Variants in DLGAP2 observed in about 807,000 individuals in gnomAD.
DLGAP2 encodes DLG associated protein 2, also known as disks large-associated protein 2.
A neutral mutation model predicts 100.3 loss-of-function variants in DLGAP2; 26 were observed. That is an observed-to-expected ratio of 0.26 (90% CI 0.19 to 0.36). DLGAP2 has a LOEUF of 0.36. Ranked by LOEUF, DLGAP2 falls within the 10% of genes least tolerant of loss-of-function variation. The pLI, the probability that DLGAP2 is intolerant of heterozygous loss-of-function variation, is 1.00. For synonymous variants in DLGAP2, 886 were observed against 630.1 expected, an observed-to-expected ratio of 1.41 and a Z score of -6.08; for missense variants, 1,858 against 1,453.2, an observed-to-expected ratio of 1.28 and a Z score of -4.53.
At chr8:1,238,370 G>A (rs76151758) in intron 2 of DLGAP2, among the ~76,000 whole-genome samples, 6,109 of 8,262 alleles carry the variant, frequency 0.74, 2,646 homozygotes, top group Middle Eastern at 1. Flanking sequence ...GTTCTCTCAC[G>A]TGGCGCCGTG....
chr8:1,189,133 C>A (rs11785265), intron 2 of DLGAP2, among the ~76,000 whole-genome samples: 1 of 137,654 alleles, frequency 7.3e-6, no homozygotes, highest in Non-Finnish European at 1.5e-5. Context: ...CATGGCGGTT[C>A]CGCTGTTGGG....
chr8:1,700,420 CACGGG>C (rs1799534470), intron 14 of DLGAP2, among the ~76,000 whole-genome samples: 2 of 72,582 alleles, frequency 2.8e-5, no homozygotes, highest in African/African-American at 1.6e-4. Flanking sequence ...CAATGTGAAT[CACGGG>C]GCAGGTCCCA....
At chr8:934,979 C>G (rs1799037452) in intron 2 of DLGAP2, among the ~76,000 whole-genome samples, 1 of 152,180 alleles carries the variant, frequency 6.6e-6, no homozygotes, top group South Asian at 2.1e-4. Context: ...TTTCCAAACC[C>G]TCTGAGTGTG....
intron 13 of DLGAP2, among the ~76,000 whole-genome samples, chr8:1,692,651 C>G (rs1302302689): frequency 1.3e-5 from 2 of 152,072 alleles, no homozygotes; most frequent in South Asian, 2.1e-4. Context: ...AGAAAATGAT[C>G]TAAGGTGCCT....
intron 1 of DLGAP2, among the ~76,000 whole-genome samples, chr8:820,955 A>G (rs565388050): frequency 1.3e-5 from 2 of 152,326 alleles, no homozygotes; most frequent in Middle Eastern, 3.4e-3. Context: ...TGTGAATTCT[A>G]GAACGGTGGA....
intron 13 of DLGAP2, among the ~76,000 whole-genome samples, chr8:1,695,532 G>A (rs561718095): frequency 1.3e-3 from 177 of 140,904 alleles, no homozygotes; most frequent in African/African-American, 4.3e-3. Flanking sequence ...AGCCATGCCC[G>A]GCCCTACAGA....
intron 4 of DLGAP2, among the ~76,000 whole-genome samples, chr8:1,520,308 C>T (rs530671311): frequency 3.7e-4 from 57 of 152,220 alleles, no homozygotes; most frequent in African/African-American, 1.3e-3. Context: ...GCGATGCAAT[C>T]GGGGAACCCA....
intron 6 of DLGAP2, among the ~76,000 whole-genome samples, chr8:1,592,890 T>G (rs1796333584): frequency 6.6e-6 from 1 of 152,214 alleles, no homozygotes; most frequent in Admixed American, 6.5e-5. Context: ...ACTAGCATTT[T>G]AGTTTCAAAT....
At chr8:1,526,543 C>T (rs770666598) in intron 4 of DLGAP2, among the ~76,000 whole-genome samples, 2 of 152,176 alleles carry the variant, frequency 1.3e-5, no homozygotes, top group African/African-American at 4.8e-5. Context: ...TTTGAACAAG[C>T]AAAGCTGGTT....
At chr8:1,608,871 C>G (rs1250558746) in intron 6 of DLGAP2, among the ~76,000 whole-genome samples, 2 of 151,020 alleles carry the variant, frequency 1.3e-5, no homozygotes, top group East Asian at 3.9e-4. Context: ...GCAAAGCCTC[C>G]AAGAAATATG....
chr8:792,504 G>A lies in DLGAP2; in HGVS notation c.18+54679G>A, dbSNP rs531218535. Among the ~76,000 whole-genome samples the A allele has an allele frequency of 3.9e-5, 6 of 152,296 alleles. No homozygotes were observed. In the East Asian group the frequency reaches 1.2e-3, roughly 29 times the overall value. ...TCTAATGTTTCATCATTGCATGAAT[G>A]TTTGTCAGAGTTAAGGTAAATTACC... On this transcript the variant is annotated intron_variant, in intron 1 of 14. Transcript: ENST00000637795.
At chr8:1,043,534 G>A (rs887913351) in intron 2 of DLGAP2, among the ~76,000 whole-genome samples, 4 of 152,038 alleles carry the variant, frequency 2.6e-5, no homozygotes, top group Non-Finnish European at 4.4e-5. Context: ...TAGGACAAAG[G>A]ATTCTTCAGG....
intron 2 of DLGAP2, among the ~76,000 whole-genome samples, chr8:920,712 G>C (rs1162999981): frequency 6.6e-6 from 1 of 152,150 alleles, no homozygotes; most frequent in African/African-American, 2.4e-5. Flanking sequence ...GATCGTGCTT[G>C]GGCAATCTGC....
chr8:1,548,740 G>A lies in DLGAP2; in HGVS notation c.287G>A (p.Gly96Glu). The A allele has an allele frequency of 1.9e-6, 3 of 1,606,470 alleles. No individual in the cohort carries two copies. Among genetic ancestry groups the A allele is most frequent in the Non-Finnish European group, 2.5e-6 (3 of 1,178,072 alleles). Residue 96 changes from glycine (G) to glutamate (E), a missense_variant, in exon 5 of 15, where the codon GGG becomes GAG. Coordinates refer to ENST00000637795, the MANE Select transcript of DLGAP2 (RefSeq NM_001346810.2). ...CGGACCCAGCCGCCGCTGTGTTCCGGGCACACGTGTGGTCTGGCGCCCCCG... is the reference window on the plus strand; with the variant it reads ...CGGACCCAGCCGCCGCTGTGTTCCGAGCACACGTGTGGTCTGGCGCCCCCG... Reference protein sequence around the residue: ...GSRTQPPLCSGHTCGLAPPED... With the variant: ...GSRTQPPLCSEHTCGLAPPED...
intron 2 of DLGAP2, among the ~76,000 whole-genome samples, chr8:1,085,383 A>C (rs944410445): frequency 6.6e-6 from 1 of 152,158 alleles, no homozygotes; most frequent in Non-Finnish European, 1.5e-5. Context: ...TTCTCTGTCT[A>C]TGCTTTTGTT....
At chr8:1,478,042 G>A (rs763905559) in intron 3 of DLGAP2, among the ~76,000 whole-genome samples, 3 of 152,176 alleles carry the variant, frequency 2.0e-5, no homozygotes, top group Non-Finnish European at 4.4e-5. Context: ...CTACGTAAGG[G>A]GTAAATGTGA....
At chr8:1,445,054 G>A (rs1173596650) in intron 3 of DLGAP2, among the ~76,000 whole-genome samples, 1 of 147,724 alleles carries the variant, frequency 6.8e-6, no homozygotes, top group Non-Finnish European at 1.5e-5. Flanking sequence ...ACAGGCATGA[G>A]CCACCGCGCC....
chr8:1,608,803 A>T (rs1014592181), intron 6 of DLGAP2, among the ~76,000 whole-genome samples: 124 of 150,870 alleles, frequency 8.2e-4, no homozygotes, highest in African/African-American at 2.8e-3. Flanking sequence ...GTGGAAGATG[A>T]AATGAATGAA....
intron 1 of DLGAP2, among the ~76,000 whole-genome samples, chr8:815,322 C>G (rs1166095965): frequency 6.6e-6 from 1 of 152,070 alleles, no homozygotes. Context: ...AGCAGAACAC[C>G]CTGTTCCCTC....
Sources: allele counts gnomAD v4.1 joint callset (sites outside exome capture counted in the v4.1 genomes callset), GRCh38; gene constraint gnomAD v4.1.1; transcripts MANE v1.5; gene names NCBI Gene and HGNC (gene_info 2026-07-23, HGNC 2026-07-21).